Variants in ZNF516 observed in about 807,000 individuals in gnomAD.
ZNF516 encodes zinc finger protein 516.
Under a neutral mutation model 79.7 loss-of-function variants are expected in ZNF516, and 19 were observed. That is an observed-to-expected ratio of 0.24 (90% confidence interval 0.17 to 0.35). ZNF516 has a LOEUF of 0.35. Among genes scored for constraint, ZNF516 ranks in the 10% least tolerant of loss-of-function variants. The probability of loss-of-function intolerance (pLI) is 1.00; values close to 1 mark genes in which losing one functional copy is unlikely to be tolerated. For missense variants in ZNF516, 1,678 were observed against 1,679.5 expected (o/e 1.00, Z 0.02); for synonymous variants, 877 against 739.5 (o/e 1.19, Z -3.02).
At chr18:76,371,919 T>C (rs1264791578) in intron 4 of ZNF516, among the ~76,000 whole-genome samples, 7 of 151,846 alleles carry the variant, frequency 4.6e-5, no homozygotes. Context: ...ATCCAGCAAA[T>C]CAGAGTGACA....
Position 76,442,561 on chromosome 18 carries a change from C to T in ZNF516, c.494G>A (p.Cys165Tyr), listed in dbSNP as rs757565835. Residue 165 changes from cysteine (C) to tyrosine (Y), a missense_variant, in exon 3 of 7, where the codon TGC (cysteine) becomes TAC (tyrosine). By Grantham distance (194) the Cys-to-Tyr change is radical. Around this residue, in one of 5 missense-constraint regions of ZNF516, gnomAD observed 279 missense variants for 254.1 expected, o/e 1.10. Transcript: ENST00000443185. ...SSKKGAEGSA[C>Y]APGEAKAAVQ... ...CGCTGCCTTGGCCTCCCCCGGGGCG[C>T]ATGCGGACCCCTCTGCCCCCTTCTT... 1.3e-6 allele frequency: 2 copies of T among 1,598,796 alleles called. No homozygotes were observed. The highest frequency in any genetic ancestry group is 1.7e-6 in the Non-Finnish European group (2 of 1,179,458).
At chr18:76,469,472 C>T (rs1913698510) in intron 1 of ZNF516, among the ~76,000 whole-genome samples, 1 of 152,022 alleles carries the variant, frequency 6.6e-6, no homozygotes, top group Admixed American at 6.6e-5. Flanking sequence ...TAACCAAAGA[C>T]CTAATAATAG....
chr18:76,439,558 G>A (rs1456530456), intron 3 of ZNF516, among the ~76,000 whole-genome samples: 2 of 152,102 alleles, frequency 1.3e-5, no homozygotes, highest in East Asian at 3.8e-4. Context: ...GACATAAACA[G>A]TAGTCTCTAA....
intron 3 of ZNF516, among the ~76,000 whole-genome samples, chr18:76,400,139 C>T (rs1343480123): frequency 1.3e-5 from 2 of 152,024 alleles, no homozygotes; most frequent in African/African-American, 2.4e-5. Context: ...TCAGAGTGAG[C>T]AACTGGAAGG....
chr18:76,402,450 C>A (rs1044202810), intron 3 of ZNF516, among the ~76,000 whole-genome samples: 12 of 152,124 alleles, frequency 7.9e-5, no homozygotes, highest in African/African-American at 2.7e-4. Flanking sequence ...AGCTGAGAAC[C>A]CGGACCTGTG....
In ZNF516 at chr18:76,467,723, AAGC is replaced by A. The variant is rs1913574747; in HGVS notation, c.-271-4585_-271-4583del. On this transcript the variant is annotated intron_variant, in intron 1 of 6. Transcript: ENST00000443185. The surrounding 1 kb of genome is among the most constrained non-coding windows in gnomAD (Gnocchi z 4.2). ...ATCTACATGGGCTGCCTCATTTTCA[AAGC>A]AGAAGTTTAGCAATTTCCTGCATTT... Among the ~76,000 whole-genome samples the A allele has an allele frequency of 1.3e-5, 2 of 152,234 alleles. No homozygotes were observed. The highest frequency in any genetic ancestry group is 2.9e-5 in the Non-Finnish European group (2 of 68,048).
rs771357636 is a variant in ZNF516, at chr18:76,441,552, G to C, written c.1503C>G (p.Pro501=). Residue 501 remains proline, a synonymous_variant, in exon 3 of 7, where the codon CCC becomes CCG. Coordinates refer to ENST00000443185, the MANE Select transcript of ZNF516 (RefSeq NM_014643.4). ...GHLDPRSAAR[P]NRRAAATTGQ... ...CGGTGGTGGCTGCGGCCCTGCGGTT[G>C]GGGCGCGCGGCCGAGCGGGGATCGA... 3 of 1,536,398 alleles carry C rather than the reference G, an allele frequency of 2.0e-6. No individual in the cohort carries two copies. Among genetic ancestry groups the C allele is most frequent in the Non-Finnish European group, 2.6e-6 (3 of 1,144,830 alleles).
At chr18:76,435,672 C>T (rs2075723108) in intron 3 of ZNF516, among the ~76,000 whole-genome samples, 1 of 152,222 alleles carries the variant, frequency 6.6e-6, no homozygotes, top group South Asian at 2.1e-4. Context: ...GGTTTTCCAA[C>T]TCATACTTTA....
chr18:76,415,187 C>G (rs1480377016), intron 3 of ZNF516, among the ~76,000 whole-genome samples: 2 of 151,768 alleles, frequency 1.3e-5, no homozygotes, highest in South Asian at 2.1e-4. Flanking sequence ...GGCAACAGAG[C>G]AAGACTCCGT....
At chr18:76,387,474 T>C (rs117346142) in intron 3 of ZNF516, 9,547 of 152,288 alleles carry the variant, frequency 0.063, 448 homozygotes, top group South Asian at 0.16. Flanking sequence ...ATTCTGTGTG[T>C]CGTGGTAGGT....
intron 3 of ZNF516, among the ~76,000 whole-genome samples, chr18:76,384,373 G>A (rs1395323693): frequency 1.2e-4 from 12 of 100,428 alleles, no homozygotes; most frequent in East Asian, 7.0e-4. Flanking sequence ...CCACGGTTCC[G>A]ACACCCCCAC....
intron 3 of ZNF516, among the ~76,000 whole-genome samples, chr18:76,413,695 A>G (rs996199165): frequency 6.6e-5 from 10 of 152,220 alleles, no homozygotes; most frequent in Non-Finnish European, 1.5e-4. Flanking sequence ...GCTAAGATAT[A>G]TGTTTTCTTC....
intron 3 of ZNF516, among the ~76,000 whole-genome samples, chr18:76,385,164 G>T (rs902754415): frequency 6.6e-6 from 1 of 152,220 alleles, no homozygotes; most frequent in African/African-American, 2.4e-5. Flanking sequence ...CTCTGTCCTC[G>T]GCTCAAACAC....
At chr18:76,477,036 G>A (rs1914213190) in intron 1 of ZNF516, among the ~76,000 whole-genome samples, 1 of 152,180 alleles carries the variant, frequency 6.6e-6, no homozygotes, top group East Asian at 1.9e-4. Flanking sequence ...CCTTTATGCA[G>A]AAATATTCGT....
intron 3 of ZNF516, among the ~76,000 whole-genome samples, chr18:76,433,598 G>A (rs1404773669): frequency 1.3e-5 from 2 of 152,188 alleles, no homozygotes; most frequent in African/African-American, 4.8e-5. Flanking sequence ...ATAGCATCCG[G>A]GTCACAGCAA....
At chr18:76,483,291 A>C (rs1413388875) in intron 1 of ZNF516, among the ~76,000 whole-genome samples, 1 of 152,306 alleles carries the variant, frequency 6.6e-6, no homozygotes. Context: ...TTGGAAAGAA[A>C]GGAGGAGAAT....
At chr18:76,412,535 A>C (rs2075384412) in intron 3 of ZNF516, among the ~76,000 whole-genome samples, 1 of 152,190 alleles carries the variant, frequency 6.6e-6, no homozygotes, top group Non-Finnish European at 1.5e-5. Flanking sequence ...CAGCAGGGCC[A>C]GCCTTAGGAA....
At chr18:76,371,739 G>A (rs533261268) in intron 4 of ZNF516, among the ~76,000 whole-genome samples, 168 bp from the exon 5 acceptor site, 2 of 152,298 alleles carry the variant, frequency 1.3e-5, no homozygotes, top group Non-Finnish European at 2.9e-5. Flanking sequence ...CCTTCATCTC[G>A]GCTCTGCTGA....
chr18:76,416,424 A>G (rs960486296), intron 3 of ZNF516, among the ~76,000 whole-genome samples: 3 of 152,370 alleles, frequency 2.0e-5, no homozygotes, highest in Admixed American at 6.5e-5. Flanking sequence ...AAAGGTCATG[A>G]GATTTTTCCA....
Sources: gnomAD v4.1 joint callset for allele counts (sites outside exome capture counted in the v4.1 genomes callset) on GRCh38, gnomAD v4.1.1 for gene constraint, gnomAD v4.1.1 regional missense constraint, Gnocchi (gnomAD v3.1) non-coding constraint, MANE v1.5 for transcripts, NCBI Gene and HGNC (gene_info 2026-07-23, HGNC 2026-07-21) for gene names.